STK32C: variants seen among roughly 807,000 people sequenced by gnomAD.
The protein encoded by STK32C is serine/threonine-protein kinase 32C.
A neutral mutation model predicts 56.5 loss-of-function variants in STK32C; 31 were observed. The observed-to-expected ratio is 0.55, with a 90% CI of 0.41 to 0.74. STK32C has a LOEUF of 0.74. Among genes scored for constraint, STK32C ranks in the 30% least tolerant of loss-of-function variants. STK32C has a pLI of 0.00. For missense variants in STK32C, 544 were observed against 676.9 expected (o/e 0.80, Z 2.18); for synonymous variants, 309 against 289.4 (o/e 1.07, Z -0.69).
chr10:132,299,978 C>T (rs1264368705), intron 1 of STK32C, among the ~76,000 whole-genome samples: 1 of 152,202 alleles, frequency 6.6e-6, no homozygotes, highest in African/African-American at 2.4e-5. Flanking sequence ...CACCAAAACC[C>T]CCGCGGACTC....
chr10:132,223,453 C>A (rs2137677799), intron 8 of STK32C, among the ~76,000 whole-genome samples: 1 of 152,374 alleles, frequency 6.6e-6, no homozygotes, highest in South Asian at 2.1e-4. Context: ...GCACCTCCCG[C>A]CTTTCCAGGG....
intron 1 of STK32C, among the ~76,000 whole-genome samples, chr10:132,298,868 C>T (rs541010027): frequency 7.9e-4 from 120 of 152,268 alleles, no homozygotes; most frequent in Middle Eastern, 3.4e-3. Flanking sequence ...CCATCTTCAC[C>T]GCAGCCTCAT....
intron 10 of STK32C, among the ~76,000 whole-genome samples, chr10:132,217,600 G>A (rs2062511817): frequency 6.6e-6 from 1 of 152,150 alleles, no homozygotes; most frequent in African/African-American, 2.4e-5. Context: ...ATCTCAGCTT[G>A]AATTGTGACT....
intron 1 of STK32C, among the ~76,000 whole-genome samples, chr10:132,246,458 G>C (rs946427905): frequency 2.0e-5 from 3 of 152,206 alleles, no homozygotes; most frequent in Non-Finnish European, 2.9e-5. Context: ...GGGCAAGCCT[G>C]GGGGAGTCTG....
At chr10:132,330,466 C>T (rs1217276520) in intron 1 of STK32C, 1 of 717,208 alleles carries the variant, frequency 1.4e-6, no homozygotes, top group Admixed American at 2.0e-5. Flanking sequence ...TGAGAAGGTA[C>T]TGGTTGTGCT....
At chr10:132,280,464 CG>C (rs2065147233) in intron 1 of STK32C, among the ~76,000 whole-genome samples, 1 of 142,976 alleles carries the variant, frequency 7.0e-6, no homozygotes, top group African/African-American at 2.6e-5. Flanking sequence ...CCCATGATCA[CG>C]CCCCTGCACT....
chr10:132,316,043 C>T (rs1212127043), intron 1 of STK32C, among the ~76,000 whole-genome samples: 1 of 151,918 alleles, frequency 6.6e-6, no homozygotes, highest in East Asian at 1.9e-4. Flanking sequence ...GTTTTAAATG[C>T]CTGTATGAGA....
At chr10:132,228,918 G>T (rs537950489) in intron 2 of STK32C, among the ~76,000 whole-genome samples, 1 of 152,256 alleles carries the variant, frequency 6.6e-6, no homozygotes. Context: ...CCCCCTCCGG[G>T]GCGCCAGTCC....
chr10:132,221,174 C>T (rs57393781), intron 10 of STK32C, among the ~76,000 whole-genome samples: 1,899 of 150,136 alleles, frequency 0.013, 50 homozygotes, highest in African/African-American at 0.043. Context: ...CACACCTGGG[C>T]GAGTGTGAGG....
chr10:132,331,724 C>G, exon 1 of STK32C: 3 of 1,612,544 alleles, frequency 1.9e-6, no homozygotes, highest in Non-Finnish European at 2.5e-6. Flanking sequence ...GCTCCCCAGA[C>G]GGCACTTAGC....
At chr10:132,280,558 C>T (rs952670468) in intron 1 of STK32C, among the ~76,000 whole-genome samples, 2 of 141,002 alleles carry the variant, frequency 1.4e-5, no homozygotes, top group African/African-American at 5.3e-5. Flanking sequence ...GACCACGCCC[C>T]TGCACCCCGT....
chr10:132,318,410 G>A (rs2066347541), intron 1 of STK32C, among the ~76,000 whole-genome samples: 1 of 152,052 alleles, frequency 6.6e-6, no homozygotes, highest in African/African-American at 2.4e-5. Flanking sequence ...GAGGTCAGGA[G>A]TTCGAGACCA....
Position 132,276,089 on chromosome 10 carries a change from A to G in STK32C, c.263-30134T>C, listed in dbSNP as rs142685082. ...CACATGCGAGGCTTCCCTCATCATG[A>G]GATGAGCCTGGAGGTAATTCTGGGG... On this transcript the variant is annotated intron_variant, in intron 1 of 11. Transcript: ENST00000298630. 8.7e-4 allele frequency among the ~76,000 whole-genome samples: 133 copies of G among 152,278 alleles called. 1 individual carries two copies. In the East Asian group the frequency reaches 0.012, roughly 14 times the overall value.
chr10:132,228,178 A>C, intron 2 of STK32C, 50 bp from the exon 3 acceptor site: 1 of 1,612,846 alleles, frequency 6.2e-7, no homozygotes, highest in South Asian at 1.1e-5. Flanking sequence ...GCCTGGGGAC[A>C]CGTGGGGACA....
At chr10:132,247,952 C>T (rs1485460783) in intron 1 of STK32C, among the ~76,000 whole-genome samples, 3 of 152,106 alleles carry the variant, frequency 2.0e-5, no homozygotes, top group African/African-American at 4.8e-5. Flanking sequence ...CCGCAGAGGA[C>T]GGGCCGTGCT....
Position 132,307,705 on chromosome 10 carries a change from G to T in STK32C, c.129C>A (p.Pro43=), listed in dbSNP as rs748479644. ...SALPPPAAGQ[P]RARDSGDVRS... ...GGACATCGCCCGAGTCCCGGGCCCG[G>T]GGCTGGCCAGCAGCGGGCGGCGGCA... The change falls in exon 1 of 12, where the codon CCC becomes CCA. Residue 43 remains proline, a synonymous_variant. Coordinates refer to ENST00000298630, the MANE Select transcript of STK32C (RefSeq NM_173575.4). This position sits in a 1 kb window ranked among gnomAD's most constrained non-coding sequence, Gnocchi z 4.4. 1.4e-6 allele frequency: 2 copies of T among 1,435,858 alleles called. No individual in the cohort carries two copies. The highest frequency in any genetic ancestry group is 9.2e-7 in the Non-Finnish European group (1 of 1,085,702). The allele number at this position is 1,435,858 out of a possible 1,614,324, so 88.9% of individuals were successfully genotyped here.
chr10:132,324,151 G>C, exon 2 of STK32C: 1 of 713,002 alleles, frequency 1.4e-6, no homozygotes. Flanking sequence ...TGGAGGCCAA[G>C]AGCTGGGGAT....
chr10:132,330,169 A>G lies in STK32C; in HGVS notation c.301+1267T>C, dbSNP rs188952222. 3 of 419,042 alleles carry G rather than the reference A, an allele frequency of 7.2e-6. No homozygotes were observed. The Admixed American group carries it at 1.1e-4, about 15-fold the overall frequency. 26.0% of individuals were successfully genotyped at this position (419,042 alleles called of 1,614,324 possible). On this transcript the variant is annotated intron_variant, in intron 1 of 1. Coordinates refer to the STK32C transcript ENST00000368619. ...ATCTGGCTGGGCAAAAACTGAGCAC[A>G]GTAAAGGGCAAAACATGCTCGTACA...
At chr10:132,302,587 T>G (rs975897361) in intron 1 of STK32C, among the ~76,000 whole-genome samples, 2 of 152,094 alleles carry the variant, frequency 1.3e-5, no homozygotes, top group Non-Finnish European at 2.9e-5. Context: ...CCACCAGGCT[T>G]CTGACCACCA....
Sources: allele counts gnomAD v4.1 joint callset (sites outside exome capture counted in the v4.1 genomes callset), GRCh38; gene constraint gnomAD v4.1.1; non-coding constraint Gnocchi (gnomAD v3.1); transcripts MANE v1.5; gene names NCBI Gene and HGNC (gene_info 2026-07-23, HGNC 2026-07-21).